Variants in DCC observed in about 807,000 individuals in gnomAD.
DCC encodes netrin receptor DCC.
In DCC, 58 loss-of-function variants were observed where a neutral mutation model predicts 172.5. The ratio of observed to expected loss-of-function variants is 0.34; its 90% CI spans 0.27 to 0.42. The LOEUF is 0.42. Among genes scored for constraint, DCC ranks in the 10% least tolerant of loss-of-function variants. DCC has a pLI of 1.00. For synonymous variants in DCC, 709 were observed against 644.5 expected, an observed-to-expected ratio of 1.10 and a Z score of -1.52; for missense variants, 1,740 against 1,791.0, an observed-to-expected ratio of 0.97 and a Z score of 0.51.
At chr18:53,408,579 G>A (rs1176480151) in intron 19 of DCC, among the ~76,000 whole-genome samples, 1 of 152,134 alleles carries the variant, frequency 6.6e-6, no homozygotes, top group Admixed American at 6.6e-5. Flanking sequence ...CTATCGGTTA[G>A]AAACAAGACT....
chr18:52,763,045 A>G (rs2145151834), intron 2 of DCC, among the ~76,000 whole-genome samples: 1 of 152,266 alleles, frequency 6.6e-6, no homozygotes, highest in East Asian at 1.9e-4. Context: ...TGTATCTTCA[A>G]TCTACTGATG....
intron 5 of DCC, among the ~76,000 whole-genome samples, chr18:52,971,883 T>A (rs185437922): frequency 2.6e-5 from 4 of 152,262 alleles, no homozygotes; most frequent in Admixed American, 2.0e-4. Context: ...CTATGTAGTC[T>A]CCATACACAA....
chr18:52,372,028 A>C (rs1985143545), intron 1 of DCC, among the ~76,000 whole-genome samples: 1 of 152,220 alleles, frequency 6.6e-6, no homozygotes, highest in Non-Finnish European at 1.5e-5. Context: ...TTTGTTCACC[A>C]CATTGTGAAG....
At chr18:52,788,353 G>T (rs764022664) in intron 2 of DCC, among the ~76,000 whole-genome samples, 2 of 152,150 alleles carry the variant, frequency 1.3e-5, no homozygotes, top group Non-Finnish European at 2.9e-5. Flanking sequence ...TGTATCAGGT[G>T]TGGAGCCTAG....
chr18:53,430,272 T>G (rs1339525273), intron 21 of DCC, among the ~76,000 whole-genome samples: 1 of 152,136 alleles, frequency 6.6e-6, no homozygotes, highest in East Asian at 1.9e-4. Context: ...TCTGTCCATT[T>G]GATTTAGATT....
intron 12 of DCC, among the ~76,000 whole-genome samples, chr18:53,239,307 G>T (rs1309905194): frequency 2.6e-5 from 4 of 151,182 alleles, no homozygotes; most frequent in African/African-American, 9.7e-5. Flanking sequence ...AAAACCTAAA[G>T]AATAGAAAAG....
intron 26 of DCC, among the ~76,000 whole-genome samples, chr18:53,492,618 A>G (rs1027781280): frequency 5.9e-5 from 9 of 152,016 alleles, no homozygotes; most frequent in Admixed American, 5.9e-4. Flanking sequence ...ATGGTTGTAG[A>G]TGTGTGGTAT....
intron 16 of DCC, among the ~76,000 whole-genome samples, chr18:53,390,413 C>A (rs1180580707): frequency 6.6e-6 from 1 of 152,086 alleles, no homozygotes; most frequent in East Asian, 1.9e-4. Context: ...ATCATCAAAA[C>A]CAGCCAGCAG....
chr18:53,088,546 C>A (rs571638143), intron 7 of DCC, among the ~76,000 whole-genome samples: 24 of 151,988 alleles, frequency 1.6e-4, no homozygotes, highest in Non-Finnish European at 1.6e-4. Flanking sequence ...ATGTCGTCTG[C>A]AAATAGAGAC....
At chr18:53,055,144 T>C (rs1424547783) in intron 5 of DCC, among the ~76,000 whole-genome samples, 1 of 152,138 alleles carries the variant, frequency 6.6e-6, no homozygotes, top group Admixed American at 6.6e-5. Context: ...ATCCCATGCT[T>C]GGCCTTGGGG....
intron 1 of DCC, among the ~76,000 whole-genome samples, chr18:52,641,499 A>G (rs2034890073): frequency 6.6e-6 from 1 of 152,164 alleles, no homozygotes; most frequent in Non-Finnish European, 1.5e-5. Flanking sequence ...TCTACAATGA[A>G]CTCAAACAAA....
chr18:53,166,110 A>C (rs1336793307), intron 8 of DCC, among the ~76,000 whole-genome samples: 1 of 152,124 alleles, frequency 6.6e-6, no homozygotes. Flanking sequence ...GTAGATATTT[A>C]GGGGGCAAAA....
chr18:52,942,155 A>G (rs2040474138), intron 5 of DCC, among the ~76,000 whole-genome samples: 1 of 152,168 alleles, frequency 6.6e-6, no homozygotes, highest in Admixed American at 6.5e-5. Context: ...TTGGTTTGAG[A>G]TAGGTATTTT....
rs533669404 is a variant in DCC, at chr18:53,528,020, A to T, written c.4254+1261A>T. On this transcript the variant is annotated intron_variant, in intron 28 of 28. Transcript: ENST00000442544. ...ATGCATAAATGAAGTCTTCTGCAAAATTTGCAAATAATGTATTGAAAAATA... is the reference window on the plus strand; with the variant it reads ...ATGCATAAATGAAGTCTTCTGCAAATTTTGCAAATAATGTATTGAAAAATA... 3.7e-4 allele frequency among the ~76,000 whole-genome samples: 57 copies of T among 152,258 alleles called. 1 individual carries two copies. The highest frequency in any genetic ancestry group is 1.8e-3 in the Admixed American group (27 of 15,288).
chr18:52,708,584 C>T (rs1306878994), intron 1 of DCC, among the ~76,000 whole-genome samples: 1 of 152,086 alleles, frequency 6.6e-6, no homozygotes, highest in Non-Finnish European at 1.5e-5. Context: ...TGCAGGGCAA[C>T]TGGGGAATCT....
chr18:52,616,875 C>G (rs2034391473), intron 1 of DCC, among the ~76,000 whole-genome samples: 1 of 151,986 alleles, frequency 6.6e-6, no homozygotes, highest in Non-Finnish European at 1.5e-5. Flanking sequence ...ATGGGAGCAA[C>G]AGAATACTGG....
intron 1 of DCC, among the ~76,000 whole-genome samples, chr18:52,449,556 A>G (rs1424087527): frequency 1.3e-5 from 2 of 152,224 alleles, no homozygotes; most frequent in African/African-American, 2.4e-5. Flanking sequence ...AAGGGAGATA[A>G]CAATGAAACG....
chr18:52,911,887 T>C (rs974517843), intron 3 of DCC, among the ~76,000 whole-genome samples: 1 of 151,988 alleles, frequency 6.6e-6, no homozygotes, highest in African/African-American at 2.4e-5. Context: ...GCTCCTCTCA[T>C]ATATACTGGA....
intron 1 of DCC, among the ~76,000 whole-genome samples, chr18:52,513,288 T>C (rs1313897647): frequency 6.6e-6 from 1 of 152,184 alleles, no homozygotes; most frequent in Non-Finnish European, 1.5e-5. Context: ...TTCTAAACCA[T>C]GAGACACGAC....
Sources: allele counts gnomAD v4.1 joint callset (sites outside exome capture counted in the v4.1 genomes callset), GRCh38; gene constraint gnomAD v4.1.1; transcripts MANE v1.5; gene names NCBI Gene and HGNC (gene_info 2026-07-23, HGNC 2026-07-21).